Variants in MTMR3 observed in about 807,000 individuals in gnomAD.
The protein encoded by MTMR3 is phosphatidylinositol-3,5-bisphosphate 3-phosphatase MTMR3.
MTMR3 carries 32 observed loss-of-function variants against 132.4 expected under a neutral mutation model. The ratio of observed to expected loss-of-function variants is 0.24; its 90% CI spans 0.18 to 0.32. The LOEUF (loss-of-function observed/expected upper bound fraction) is 0.32, where lower values mean the gene tolerates loss of function less well. MTMR3 is among the 10% of genes least tolerant of loss of function. The probability of loss-of-function intolerance (pLI) is 1.00; values close to 1 mark genes in which losing one functional copy is unlikely to be tolerated. For missense variants in MTMR3, 1,216 were observed against 1,489.6 expected (o/e 0.82, Z 3.02); for synonymous variants, 556 against 550.3 (o/e 1.01, Z -0.14).
In MTMR3 at chr22:29,897,088, C is replaced by CT. The variant is rs941506894; in HGVS notation, c.-138+13739dup. Among the ~76,000 whole-genome samples, 299 of 144,754 alleles carry CT rather than the reference C, an allele frequency of 2.1e-3. 3 individuals are homozygous for CT. The highest frequency in any genetic ancestry group is 2.4e-3 in the South Asian group (11 of 4,572). 95.0% of individuals were successfully genotyped at this position (144,754 alleles called of 152,430 possible). ...TTTTCTTTTTCTTTTTCTTTTTTTT[C>CT]TTTTTTTTTTGAGTTGGAGTCTCGC... On this transcript the variant is annotated intron_variant, in intron 1 of 19. Transcript: ENST00000401950.
At chr22:29,946,822 G>A (rs2065962631) in intron 1 of MTMR3, among the ~76,000 whole-genome samples, 1 of 151,968 alleles carries the variant, frequency 6.6e-6, no homozygotes, top group Non-Finnish European at 1.5e-5. Flanking sequence ...TGAATAAAAG[G>A]TAAAATTTTA....
chr22:30,022,401 G>C, intron 18 of MTMR3: 1 of 615,970 alleles, frequency 1.6e-6, no homozygotes, highest in Non-Finnish European at 2.9e-6. Context: ...GGGTGCTGCT[G>C]CCTGCTACTT....
chr22:29,926,700 T>G (rs1021234676), intron 1 of MTMR3, among the ~76,000 whole-genome samples: 10 of 152,202 alleles, frequency 6.6e-5, no homozygotes, highest in Admixed American at 3.3e-4. Context: ...GGAAAAATGT[T>G]TATTTAGATT....
At chr22:29,975,181 A>G (rs1255017899) in intron 3 of MTMR3, among the ~76,000 whole-genome samples, 1 of 152,172 alleles carries the variant, frequency 6.6e-6, no homozygotes, top group Non-Finnish European at 1.5e-5. Context: ...TACTTCTTAA[A>G]TTATTGAGGT....
intron 3 of MTMR3, 148 bp from the exon 4 acceptor site, chr22:29,978,294 T>C (rs2066670307): frequency 3.8e-6 from 2 of 529,456 alleles, no homozygotes; most frequent in Non-Finnish European, 6.8e-6. Flanking sequence ...AAAAACTTTT[T>C]AAGATCAATA....
Position 30,013,493 on chromosome 22 carries a change from G to A in MTMR3, c.1455G>A (p.Gln485=). 5.6e-6 allele frequency: 9 copies of A among 1,614,094 alleles called. No homozygotes were observed. The highest frequency in any genetic ancestry group is 2.2e-5 in the East Asian group (1 of 44,878). The change falls in exon 14 of 20, where the codon CAG becomes CAA. Residue 485 remains glutamine (Q), a synonymous_variant. Transcript: ENST00000401950. ...TGCAGTGGCTTGACTGTGTTCATCA[G>A]CTTCAGAGGCAATTTCCTTGCTCTT... ...VFLQWLDCVH[Q]LQRQFPCSFE... is the part of the protein sequence containing the mutation.
At chr22:29,897,244 T>G (rs1011387375) in intron 1 of MTMR3, among the ~76,000 whole-genome samples, 18 of 151,904 alleles carry the variant, frequency 1.2e-4, no homozygotes, top group African/African-American at 4.3e-4. Context: ...GCCCAGCTAA[T>G]TTTTGTATTT....
chr22:30,022,247 CAGCT>C, intron 18 of MTMR3, 108 bp downstream of exon 18: 1 of 835,312 alleles, frequency 1.2e-6, no homozygotes, highest in South Asian at 1.6e-5. Context: ...CCTCCCAGCA[CAGCT>C]AGCCCTGAGC....
intron 15 of MTMR3, chr22:30,016,914 T>A (rs1601428535): frequency 3.5e-6 from 2 of 570,230 alleles, no homozygotes; most frequent in East Asian, 6.2e-5. Context: ...GAGGGTGGTT[T>A]GGTTTAACAC....
intron 16 of MTMR3, 45 bp from the exon 17 acceptor site, chr22:30,019,435 A>T (rs760769596): frequency 6.5e-7 from 1 of 1,544,134 alleles, no homozygotes; most frequent in South Asian, 1.2e-5. Flanking sequence ...ACTTCCTCCA[A>T]ACAGTTTCCA....
At chr22:29,949,614 C>T (rs1285633879) in intron 1 of MTMR3, among the ~76,000 whole-genome samples, 3 of 150,172 alleles carry the variant, frequency 2.0e-5, no homozygotes, top group South Asian at 2.1e-4. Context: ...CTGTTGAGTA[C>T]GTGAGAATAG....
At chr22:29,920,710 C>T (rs2065393885) in intron 1 of MTMR3, among the ~76,000 whole-genome samples, 1 of 151,902 alleles carries the variant, frequency 6.6e-6, no homozygotes, top group African/African-American at 2.4e-5. Flanking sequence ...TTCTCTAGAG[C>T]AGAAATTACT....
chr22:29,974,316 C>A (rs1416502584), intron 3 of MTMR3, among the ~76,000 whole-genome samples: 4 of 152,146 alleles, frequency 2.6e-5, no homozygotes, highest in Admixed American at 6.5e-5. Context: ...CAGGCTAATT[C>A]AACTGCTAAA....
chr22:29,972,573 C>T (rs999906549), intron 3 of MTMR3, among the ~76,000 whole-genome samples: 6 of 152,074 alleles, frequency 3.9e-5, no homozygotes, highest in African/African-American at 9.7e-5. Context: ...GGTTGTATTC[C>T]GTTTTCTTTT....
intron 1 of MTMR3, among the ~76,000 whole-genome samples, chr22:29,910,896 C>T (rs572525164): frequency 6.6e-6 from 1 of 152,212 alleles, no homozygotes; most frequent in African/African-American, 2.4e-5. Flanking sequence ...GGTTCAGTGC[C>T]AGGGGTTAGA....
At chr22:30,017,398 C>T (rs1307750973) in intron 15 of MTMR3, 4 of 156,518 alleles carry the variant, frequency 2.6e-5, no homozygotes, top group African/African-American at 9.6e-5. Context: ...TAAGTAATCA[C>T]AGAAAAGATT....
chr22:30,007,029 T>C (rs1278297533), intron 9 of MTMR3, 85 bp from the exon 10 acceptor site: 3 of 1,420,760 alleles, frequency 2.1e-6, no homozygotes, highest in African/African-American at 2.8e-5. Flanking sequence ...AATTAGACTG[T>C]TCATTAAGGC....
chr22:29,918,887 A>T (rs1049997279), intron 1 of MTMR3, among the ~76,000 whole-genome samples: 1 of 152,172 alleles, frequency 6.6e-6, no homozygotes, highest in Non-Finnish European at 1.5e-5. Context: ...GTCTGTTTGT[A>T]TGGTTAGTTG....
At position 29,976,104 on chromosome 22, in the gene MTMR3, T is replaced by C. The variant is rs566801791; in HGVS notation, c.4-2338T>C. On this transcript the variant is annotated intron_variant, in intron 3 of 19. Transcript: ENST00000401950. ...TGAGGCAGATCTTCAAAAGTTGACA[T>C]TTTATTATAGTGTGTGTTTTTTTTT... Among the ~76,000 whole-genome samples the C allele has an allele frequency of 6.7e-5, 10 of 148,906 alleles. No homozygotes were observed. In the East Asian group the frequency reaches 2.0e-3, roughly 30 times the overall value.
Sources: allele counts gnomAD v4.1 joint callset (sites outside exome capture counted in the v4.1 genomes callset), GRCh38; gene constraint gnomAD v4.1.1; transcripts MANE v1.5; gene names NCBI Gene and HGNC (gene_info 2026-07-23, HGNC 2026-07-21).